Variants in PTPRN2 observed in about 807,000 individuals in gnomAD.
The protein encoded by PTPRN2 is receptor-type tyrosine-protein phosphatase N2.
PTPRN2 carries 74 observed loss-of-function variants against 118.8 expected under a neutral mutation model. The ratio of observed to expected loss-of-function variants is 0.62; its 90% CI spans 0.52 to 0.76. The LOEUF (loss-of-function observed/expected upper bound fraction) is 0.76, where lower values mean the gene tolerates loss of function less well. Ranked by LOEUF, PTPRN2 falls within the 30% of genes least tolerant of loss-of-function variation. The pLI is 0.00. For synonymous variants in PTPRN2, 641 were observed against 608.0 expected, an observed-to-expected ratio of 1.05 and a Z score of -0.80; for missense variants, 1,481 against 1,394.4, an observed-to-expected ratio of 1.06 and a Z score of -0.99.
chr7:158,372,408 C>G (rs1810116496), intron 2 of PTPRN2, among the ~76,000 whole-genome samples: 1 of 147,792 alleles, frequency 6.8e-6, no homozygotes, highest in Non-Finnish European at 1.5e-5. Flanking sequence ...GTCCCCAGAG[C>G]TGGTCCCCCC....
intron 12 of PTPRN2, chr7:157,864,116 GCT>G (rs1482966017): frequency 6.6e-6 from 1 of 152,296 alleles, no homozygotes; most frequent in African/African-American, 2.4e-5. Context: ...GCATTTGAAA[GCT>G]GCTCTGAAGA....
At chr7:158,154,606 G>A (rs1011379825) in intron 6 of PTPRN2, among the ~76,000 whole-genome samples, 2 of 152,182 alleles carry the variant, frequency 1.3e-5, no homozygotes, top group Non-Finnish European at 2.9e-5. Context: ...CAGAGAACAG[G>A]AGGCATTTTC....
intron 15 of PTPRN2, among the ~76,000 whole-genome samples, chr7:157,613,011 C>G (rs942915017): frequency 1.3e-5 from 2 of 152,206 alleles, no homozygotes; most frequent in Non-Finnish European, 2.9e-5. Flanking sequence ...GGGAGAGTCC[C>G]TGAGGAGGGG....
intron 3 of PTPRN2, among the ~76,000 whole-genome samples, chr7:158,296,770 C>T (rs149624547): frequency 6.6e-6 from 1 of 152,338 alleles, no homozygotes; most frequent in Non-Finnish European, 1.5e-5. Context: ...TGTTTCACTT[C>T]ATCTCAACCC....
At chr7:157,897,313 T>C (rs1365643162) in intron 12 of PTPRN2, among the ~76,000 whole-genome samples, 1 of 152,046 alleles carries the variant, frequency 6.6e-6, no homozygotes, top group East Asian at 1.9e-4. Context: ...CCCGGCTGAC[T>C]CCACCTTGCA....
chr7:158,253,451 T>C (rs1382224586), intron 3 of PTPRN2, among the ~76,000 whole-genome samples: 1 of 152,214 alleles, frequency 6.6e-6, no homozygotes, highest in African/African-American at 2.4e-5. Context: ...AACCTTCCGT[T>C]TCCAGTCACC....
chr7:158,122,627 G>A (rs779021310), intron 9 of PTPRN2, among the ~76,000 whole-genome samples: 5 of 152,202 alleles, frequency 3.3e-5, no homozygotes, highest in South Asian at 2.1e-4. Flanking sequence ...CCCACACAGC[G>A]GTGGGATCTG....
At chr7:157,983,888 G>C (rs1360486328) in intron 11 of PTPRN2, among the ~76,000 whole-genome samples, 1 of 152,154 alleles carries the variant, frequency 6.6e-6, no homozygotes, top group Admixed American at 6.5e-5. Context: ...CCTGGTGCCT[G>C]GACACACGGA....
intron 14 of PTPRN2, among the ~76,000 whole-genome samples, chr7:157,630,314 A>G (rs565575973): frequency 1.3e-5 from 2 of 152,264 alleles, no homozygotes; most frequent in Non-Finnish European, 2.9e-5. Flanking sequence ...AACACAAAGA[A>G]GAACAGATAA....
intron 12 of PTPRN2, among the ~76,000 whole-genome samples, chr7:157,758,455 A>G (rs1444307939): frequency 6.6e-6 from 1 of 152,196 alleles, no homozygotes; most frequent in Non-Finnish European, 1.5e-5. Context: ...CCGGGCTGGG[A>G]CGCGGGCCCC....
At chr7:157,739,079 C>G (rs575087513) in intron 12 of PTPRN2, 1 of 152,296 alleles carries the variant, frequency 6.6e-6, no homozygotes, top group South Asian at 2.1e-4. Context: ...TTTCTTGTTC[C>G]CAAATCTCTG....
chr7:158,129,658 C>T (rs761711694), intron 9 of PTPRN2, among the ~76,000 whole-genome samples: 1 of 152,140 alleles, frequency 6.6e-6, no homozygotes, highest in Non-Finnish European at 1.5e-5. Flanking sequence ...GGGAGGGAGA[C>T]GTCCACAGCA....
chr7:158,204,251 G>C (rs1408874769), intron 4 of PTPRN2, among the ~76,000 whole-genome samples: 1 of 152,026 alleles, frequency 6.6e-6, no homozygotes, highest in African/African-American at 2.4e-5. Flanking sequence ...GCTGGGGAAA[G>C]ACGCAGCCCC....
At chr7:157,734,074 C>T (rs1441839644) in intron 12 of PTPRN2, among the ~76,000 whole-genome samples, 1 of 97,276 alleles carries the variant, frequency 1.0e-5, no homozygotes, top group Admixed American at 9.4e-5. Flanking sequence ...CCTTTTCCGT[C>T]CCATGCACCC....
At chr7:158,075,760 G>A (rs573323922) in intron 11 of PTPRN2, among the ~76,000 whole-genome samples, 1 of 152,342 alleles carries the variant, frequency 6.6e-6, no homozygotes, top group South Asian at 2.1e-4. Context: ...CCTCAGCCAG[G>A]CGAGCTGTGG....
chr7:158,047,023 C>T (rs1279170412), intron 11 of PTPRN2, among the ~76,000 whole-genome samples: 1 of 152,218 alleles, frequency 6.6e-6, no homozygotes, highest in Non-Finnish European at 1.5e-5. Flanking sequence ...GGAGGCCTGG[C>T]CTAAAAACGC....
At chr7:158,264,294 G>A (rs1330443441) in intron 3 of PTPRN2, among the ~76,000 whole-genome samples, 3 of 152,190 alleles carry the variant, frequency 2.0e-5, no homozygotes, top group African/African-American at 4.8e-5. Flanking sequence ...GAACTGCACT[G>A]AGACGCTGGC....
At chr7:157,595,525 CAGAAGGTTAGGAAG>C (rs1261387972) in intron 16 of PTPRN2, among the ~76,000 whole-genome samples, 1 of 114,846 alleles carries the variant, frequency 8.7e-6, no homozygotes, top group African/African-American at 4.0e-5. Context: ...GTTAGGAAGC[CAGAAGGTTAGGAAG>C]CCAGGAGGTT....
intron 13 of PTPRN2, among the ~76,000 whole-genome samples, chr7:157,679,748 G>A (rs1389788424): frequency 4.6e-5 from 7 of 152,174 alleles, no homozygotes; most frequent in African/African-American, 7.2e-5. Context: ...AATGATGTGC[G>A]TGCATTATCA....
Sources: gnomAD v4.1 joint callset for allele counts (sites outside exome capture counted in the v4.1 genomes callset) on GRCh38, gnomAD v4.1.1 for gene constraint, MANE v1.5 for transcripts, NCBI Gene and HGNC (gene_info 2026-07-23, HGNC 2026-07-21) for gene names.